The following FAM210A variants were observed in gnomAD, a reference collection of about 807,000 sequenced individuals.
FAM210A encodes family with sequence similarity 210 member A.
Under a neutral mutation model 25.3 loss-of-function variants are expected in FAM210A, and 13 were observed. The observed-to-expected ratio is 0.51, with a 90% confidence interval of 0.33 to 0.82. The LOEUF is 0.82. FAM210A is among the 40% of genes least tolerant of loss of function. The pLI is 0.02. For missense variants in FAM210A, 319 were observed against 323.2 expected (o/e 0.99, Z 0.10); for synonymous variants, 125 against 118.7 (o/e 1.05, Z -0.35).
intron 1 of FAM210A, chr18:13,715,191 C>G (rs1326454101): frequency 6.6e-6 from 1 of 152,114 alleles, no homozygotes; most frequent in Non-Finnish European, 1.5e-5. Flanking sequence ...TTGACCTGCT[C>G]AGTTTCTAGA....
rs73416630 is a variant in FAM210A at position 13,714,454 on chromosome 18, T to C, written c.-29+11875A>G. On this transcript the variant is annotated intron_variant, in intron 1 of 3. Coordinates refer to ENST00000651643, the MANE Select transcript of FAM210A (RefSeq NM_152352.4). Reference sequence around the variant, plus strand: ...TGGGCCTTTTCAGGGTAATGAGAAATGAGGCTGGAATTCTAGAGGATTTTT... The same window carrying C: ...TGGGCCTTTTCAGGGTAATGAGAAACGAGGCTGGAATTCTAGAGGATTTTT... Among the ~76,000 whole-genome samples, 380 of 152,224 alleles carry C rather than the reference T, an allele frequency of 2.5e-3. 2 individuals are homozygous for C. The highest frequency in any genetic ancestry group is 8.5e-3 in the African/African-American group (352 of 41,532).
intron 1 of FAM210A, among the ~76,000 whole-genome samples, chr18:13,704,459 AG>A (rs1186647599): frequency 1.3e-5 from 2 of 152,198 alleles, no homozygotes; most frequent in Non-Finnish European, 2.9e-5. Context: ...AAAATTGCAA[AG>A]GGTTATATAA....
In FAM210A at chr18:13,708,564, G is replaced by A. The variant is rs564720709; in HGVS notation, c.-29+17765C>T. On this transcript the variant is annotated intron_variant, in intron 1 of 3. Transcript: ENST00000651643. ...TTACGGGGATTGTTATTAATAAAAC[G>A]TACTCCTATCACTCAGGAAATTCCC... 1.2e-4 allele frequency among the ~76,000 whole-genome samples: 19 copies of A among 152,220 alleles called. No individual in the cohort carries two copies. In the Middle Eastern group the frequency reaches 0.01, roughly 82 times the overall value.
chr18:13,682,082 A>G lies in FAM210A; in HGVS notation c.-5T>C. On this transcript the variant is annotated 5_prime_UTR_variant, in exon 2 of 4. Coordinates refer to ENST00000651643, the MANE Select transcript of FAM210A (RefSeq NM_152352.4). The stretch of plus-strand genomic sequence containing the variant: ...CCGTGGTACATTCCATTGCATTTTG[A>G]AGAGTGTTGATAGGTTTCAGCTTCT... The G allele has an allele frequency of 4.5e-6, 7 of 1,566,546 alleles. No individual in the cohort carries two copies. The highest frequency in any genetic ancestry group is 6.0e-6 in the Non-Finnish European group (7 of 1,157,104).
At chr18:13,714,281 A>T (rs564128104) in intron 1 of FAM210A, among the ~76,000 whole-genome samples, 1 of 152,354 alleles carries the variant, frequency 6.6e-6, no homozygotes, top group African/African-American at 2.4e-5. Context: ...GAATAAAGAA[A>T]AGGCTAACTG....
chr18:13,691,243 A>T (rs914522541), intron 1 of FAM210A, among the ~76,000 whole-genome samples: 3 of 152,234 alleles, frequency 2.0e-5, no homozygotes, highest in Admixed American at 2.0e-4. Context: ...CCTCCAAGAA[A>T]TATGGAACTA....
At chr18:13,681,482 C>G in intron 2 of FAM210A, 123 bp downstream of exon 2, 2 of 787,264 alleles carry the variant, frequency 2.5e-6, no homozygotes, top group Admixed American at 3.3e-5. Flanking sequence ...TGTGAAAAAA[C>G]AGTTATCCTC....
intron 2 of FAM210A, among the ~76,000 whole-genome samples, chr18:13,675,132 C>G: frequency 7.6e-6 from 1 of 132,194 alleles, no homozygotes; most frequent in Non-Finnish European, 1.6e-5. Flanking sequence ...TTCTTTATTT[C>G]CAGTTTCCTG....
chr18:13,712,622 C>A (rs928650341), intron 1 of FAM210A, among the ~76,000 whole-genome samples: 3 of 152,060 alleles, frequency 2.0e-5, no homozygotes, highest in African/African-American at 7.2e-5. Flanking sequence ...CTCTATCATG[C>A]GAGGTTACAG....
chr18:13,666,545 C>G lies in FAM210A; in HGVS notation c.754G>C (p.Asp252His). 6.2e-7 allele frequency: 1 copy of G among 1,614,096 alleles called. No individual in the cohort carries two copies. The highest frequency in any genetic ancestry group is 1.1e-5 in the South Asian group (1 of 91,080). ...TCTTGTAACTTTTCAGTGAGTCTATCTTTTGTTTCTTCCATTTTCTCTGTG... is the reference window on the plus strand; with the variant it reads ...TCTTGTAACTTTTCAGTGAGTCTATGTTTTGTTTCTTCCATTTTCTCTGTG... ...LITEKMEETK[D>H]RLTEKLQETK... Residue 252 changes from aspartate (D) to histidine (H), a missense_variant, in exon 4 of 4, where the codon GAT becomes CAT. By Grantham distance (81) the Asp-to-His change is moderately conservative. Coordinates refer to ENST00000651643, the MANE Select transcript of FAM210A (RefSeq NM_152352.4).
chr18:13,718,883 G>C (rs542564759), intron 1 of FAM210A, among the ~76,000 whole-genome samples: 1 of 152,298 alleles, frequency 6.6e-6, no homozygotes, highest in Admixed American at 6.5e-5. Context: ...GGGTTAACTA[G>C]TTTTGTCAGT....
chr18:13,688,147 A>G (rs950994434), intron 1 of FAM210A, among the ~76,000 whole-genome samples: 7 of 152,244 alleles, frequency 4.6e-5, no homozygotes, highest in South Asian at 4.1e-4. Flanking sequence ...CAGGAGGCAG[A>G]GAAATTCTAG....
chr18:13,706,996 CATG>C (rs1296332649), intron 1 of FAM210A, among the ~76,000 whole-genome samples: 5 of 152,174 alleles, frequency 3.3e-5, no homozygotes, highest in African/African-American at 4.8e-5. Flanking sequence ...TCCCGACAGT[CATG>C]ATAACAGTCT....
intron 3 of FAM210A, among the ~76,000 whole-genome samples, chr18:13,668,321 G>A (rs548777009): frequency 3.5e-4 from 54 of 152,204 alleles, no homozygotes; most frequent in Admixed American, 1.0e-3. Flanking sequence ...CAACTTGCTG[G>A]GCTTCCTTCT....
At chr18:13,711,785 TCC>T (rs572704271) in intron 1 of FAM210A, among the ~76,000 whole-genome samples, 30 of 152,324 alleles carry the variant, frequency 2.0e-4, no homozygotes, top group African/African-American at 7.0e-4. Context: ...ACTCTCAGCA[TCC>T]ACCTGGATTG....
intron 1 of FAM210A, among the ~76,000 whole-genome samples, chr18:13,713,967 T>C (rs570027852): frequency 6.6e-6 from 1 of 152,334 alleles, no homozygotes; most frequent in African/African-American, 2.4e-5. Flanking sequence ...CTCAACTAAA[T>C]TATAACTCCT....
chr18:13,667,926 A>G, intron 3 of FAM210A, among the ~76,000 whole-genome samples: 1 of 152,148 alleles, frequency 6.6e-6, no homozygotes, highest in East Asian at 1.9e-4. Context: ...GCCGGGAGTA[A>G]GTGGCATGTG....
chr18:13,694,403 T>C (rs534765153), intron 1 of FAM210A, among the ~76,000 whole-genome samples: 5 of 152,350 alleles, frequency 3.3e-5, no homozygotes, highest in Admixed American at 3.3e-4. Context: ...GAGTCCGCAT[T>C]GCTAAGACAA....
intron 1 of FAM210A, among the ~76,000 whole-genome samples, chr18:13,694,626 C>T (rs1209287592): frequency 6.6e-6 from 1 of 152,186 alleles, no homozygotes; most frequent in African/African-American, 2.4e-5. Context: ...AAAGGATTCC[C>T]TATTTAATAA....
Sources: allele counts gnomAD v4.1 joint callset (sites outside exome capture counted in the v4.1 genomes callset), GRCh38; gene constraint gnomAD v4.1.1; transcripts MANE v1.5; gene names NCBI Gene and HGNC (gene_info 2026-07-23, HGNC 2026-07-21).